The following GRAMD2B variants were observed in gnomAD, a reference collection of about 807,000 sequenced individuals.
The protein encoded by GRAMD2B is GRAM domain containing 2B, also known as GRAM domain-containing protein 2B.
GRAMD2B carries 41 observed loss-of-function variants against 59.2 expected under a neutral mutation model. The ratio of observed to expected loss-of-function variants is 0.69; its 90% CI spans 0.54 to 0.90. The LOEUF (loss-of-function observed/expected upper bound fraction) is 0.90, where lower values mean the gene tolerates loss of function less well. Ranked by LOEUF, GRAMD2B falls within the 40% of genes least tolerant of loss-of-function variation. The pLI is 0.00. For missense variants in GRAMD2B, 424 were observed against 500.5 expected (o/e 0.85, Z 1.46); for synonymous variants, 161 against 182.7 (o/e 0.88, Z 0.96).
At chr5:126,457,630 C>T (rs1280523386) in intron 1 of GRAMD2B, among the ~76,000 whole-genome samples, 4 of 151,896 alleles carry the variant, frequency 2.6e-5, no homozygotes, top group East Asian at 3.9e-4. Context: ...GACTCTGTCT[C>T]GGGGGGAAAA....
At chr5:126,485,585 C>A in intron 10 of GRAMD2B, 101 bp from the exon 11 acceptor site, 1 of 643,036 alleles carries the variant, frequency 1.6e-6, no homozygotes, top group South Asian at 2.1e-5. Context: ...TTTCTTTTAC[C>A]TGGGAACAAT....
chr5:126,442,289 T>C (rs1763423190), intron 1 of GRAMD2B, among the ~76,000 whole-genome samples: 1 of 141,236 alleles, frequency 7.1e-6, no homozygotes, highest in Admixed American at 6.8e-5. Flanking sequence ...CTTTTCTTTT[T>C]TTTCTTTTTT....
chr5:126,431,024 C>T (rs762271144), intron 1 of GRAMD2B, among the ~76,000 whole-genome samples: 1 of 152,130 alleles, frequency 6.6e-6, no homozygotes, highest in Non-Finnish European at 1.5e-5. Context: ...GAAATTAAAA[C>T]AATATAGATA....
chr5:126,465,144 C>T (rs6595711), intron 1 of GRAMD2B: 387,033 of 1,271,076 alleles, frequency 0.3, 60,380 homozygotes, highest in East Asian at 0.52. Context: ...CCAGCACAGC[C>T]CATGCAGAGC....
intron 2 of GRAMD2B, among the ~76,000 whole-genome samples, chr5:126,468,832 A>G (rs1768974747): frequency 6.6e-6 from 1 of 152,004 alleles, no homozygotes; most frequent in African/African-American, 2.4e-5. Flanking sequence ...TTGGCTCCAT[A>G]CCTTCTCCTA....
At chr5:126,479,586 G>A (rs1029724905) in intron 6 of GRAMD2B, among the ~76,000 whole-genome samples, 1 of 152,082 alleles carries the variant, frequency 6.6e-6, no homozygotes, top group African/African-American at 2.4e-5. Context: ...AAGTTAGAGG[G>A]GTTAAGCAAT....
chr5:126,405,340 A>G (rs1758179613), intron 1 of GRAMD2B, among the ~76,000 whole-genome samples: 1 of 151,922 alleles, frequency 6.6e-6, no homozygotes, highest in South Asian at 2.1e-4. Flanking sequence ...GAGATAGTAC[A>G]TTGTGGGAAA....
chr5:126,365,588 A>C (rs1296496137), intron 1 of GRAMD2B, among the ~76,000 whole-genome samples: 1 of 152,184 alleles, frequency 6.6e-6, no homozygotes, highest in Non-Finnish European at 1.5e-5. Flanking sequence ...CTCAACTGTC[A>C]GTTCATTACA....
At chr5:126,479,413 T>C (rs1378268251) in intron 6 of GRAMD2B, among the ~76,000 whole-genome samples, 1 of 152,162 alleles carries the variant, frequency 6.6e-6, no homozygotes, top group Admixed American at 6.5e-5. Flanking sequence ...AAGAGACCAT[T>C]CTGATAAGCT....
At chr5:126,394,201 G>A (rs904032509) in intron 1 of GRAMD2B, among the ~76,000 whole-genome samples, 7 of 151,852 alleles carry the variant, frequency 4.6e-5, no homozygotes, top group Non-Finnish European at 8.8e-5. Context: ...AGTGAACCCG[G>A]GAGGCAGAGC....
chr5:126,405,935 TA>T (rs1480746109), intron 1 of GRAMD2B, among the ~76,000 whole-genome samples: 1 of 151,888 alleles, frequency 6.6e-6, no homozygotes, highest in Non-Finnish European at 1.5e-5. Flanking sequence ...GTTAAGAGTT[TA>T]AAATGTTCTA....
At chr5:126,398,072 G>A (rs1431354489) in intron 1 of GRAMD2B, among the ~76,000 whole-genome samples, 2 of 145,876 alleles carry the variant, frequency 1.4e-5, no homozygotes, top group African/African-American at 5.1e-5. Flanking sequence ...CACCCAGGAT[G>A]GAGTGCAGTG....
At chr5:126,393,019 C>T (rs1251581086) in intron 1 of GRAMD2B, among the ~76,000 whole-genome samples, 1 of 152,184 alleles carries the variant, frequency 6.6e-6, no homozygotes, top group Non-Finnish European at 1.5e-5. Flanking sequence ...TTACAAAATA[C>T]ATAATTACAC....
intron 1 of GRAMD2B, among the ~76,000 whole-genome samples, chr5:126,453,760 A>G (rs1378051133): frequency 6.6e-6 from 1 of 152,246 alleles, no homozygotes; most frequent in Non-Finnish European, 1.5e-5. Context: ...CACAATGCCA[A>G]TTCAGCAGTG....
chr5:126,463,853 T>C (rs200318061), intron 1 of GRAMD2B, among the ~76,000 whole-genome samples: 2 of 152,164 alleles, frequency 1.3e-5, no homozygotes, highest in African/African-American at 4.8e-5. Flanking sequence ...ACCCCGTCTC[T>C]ACTAAAAATA....
At chr5:126,485,452 T>C (rs776959890) in intron 10 of GRAMD2B, among the ~76,000 whole-genome samples, 5 of 152,246 alleles carry the variant, frequency 3.3e-5, no homozygotes, top group Non-Finnish European at 7.3e-5. Flanking sequence ...TGTCCATCAT[T>C]GATTCCAGTA....
intron 1 of GRAMD2B, among the ~76,000 whole-genome samples, chr5:126,383,068 G>A (rs1013530091): frequency 6.6e-6 from 1 of 152,188 alleles, no homozygotes; most frequent in Non-Finnish European, 1.5e-5. Context: ...TCTCAGCCAT[G>A]GATACCAGCA....
In GRAMD2B at chr5:126,364,453, A is replaced by T. The variant is rs553319538; in HGVS notation, c.128+3994A>T. Among the ~76,000 whole-genome samples the T allele has an allele frequency of 3.2e-3, 483 of 152,342 alleles. 3 individuals are homozygous for T. The highest frequency in any genetic ancestry group is 0.011 in the African/African-American group (464 of 41,582). ...CTTCACACAATAGCAGTGGAAAATG[A>T]AAGTGTAGGTTGTAGGATCGCTTCC... On this transcript the variant is annotated intron_variant, in intron 1 of 13. Transcript: ENST00000513040.
upstream of GRAMD2B, among the ~76,000 whole-genome samples, chr5:126,367,148 C>T (rs548139450): frequency 4.9e-4 from 74 of 151,504 alleles, no homozygotes; most frequent in African/African-American, 1.6e-3. Context: ...TGAGGCACCA[C>T]ACCCGGCCCA....
Sources: allele counts gnomAD v4.1 joint callset (sites outside exome capture counted in the v4.1 genomes callset), GRCh38; gene constraint gnomAD v4.1.1; transcripts MANE v1.5; gene names NCBI Gene and HGNC (gene_info 2026-07-23, HGNC 2026-07-21).